LRFN5: variants seen among roughly 807,000 people sequenced by gnomAD.
LRFN5 encodes leucine rich repeat and fibronectin type III domain containing 5.
In LRFN5, 24 loss-of-function variants were observed where a neutral mutation model predicts 45.6. The observed-to-expected ratio is 0.53, with a 90% CI of 0.38 to 0.74. LRFN5 has a LOEUF of 0.74. Ranked by LOEUF, LRFN5 falls within the 30% of genes least tolerant of loss-of-function variation. LRFN5 has a pLI of 0.00. For missense variants in LRFN5, 776 were observed against 861.5 expected (o/e 0.90, Z 1.24); for synonymous variants, 340 against 313.8 (o/e 1.08, Z -0.88).
chr14:41,895,675 T>A (rs1890914462), intron 4 of LRFN5, among the ~76,000 whole-genome samples: 1 of 149,824 alleles, frequency 6.7e-6, no homozygotes, highest in Admixed American at 6.7e-5. Flanking sequence ...TTAGACACAG[T>A]AACACTCAAA....
intron 1 of LRFN5, among the ~76,000 whole-genome samples, chr14:41,634,782 G>A (rs2138585462): frequency 6.6e-6 from 1 of 152,002 alleles, no homozygotes; most frequent in East Asian, 1.9e-4. Flanking sequence ...ATTCCTTTTT[G>A]GCATATTGAA....
In LRFN5 at chr14:41,856,412, G is replaced by A. The variant is rs79674850; in HGVS notation, c.-20-30194G>A. Among the ~76,000 whole-genome samples the A allele has an allele frequency of 5.8e-3, 888 of 152,056 alleles. 6 individuals are homozygous for A. Among genetic ancestry groups the A allele is most frequent in the African/African-American group, 0.019 (805 of 41,482 alleles). ...CCTTTTCATTCAAGGAGCTTCAAGG[G>A]GCTTCTATCTCTAATAGAGAAAGAC... is the stretch of plus-strand genomic sequence containing the variant. On this transcript the variant is annotated intron_variant, in intron 2 of 5. Transcript: ENST00000298119.
chr14:41,707,522 TA>T (rs1883114922), intron 1 of LRFN5, among the ~76,000 whole-genome samples: 2 of 152,170 alleles, frequency 1.3e-5, no homozygotes, highest in Admixed American at 1.3e-4. Context: ...TTAGCATTAG[TA>T]AATGATGAAA....
intron 2 of LRFN5, among the ~76,000 whole-genome samples, chr14:41,806,979 C>T (rs1887547309): frequency 6.6e-6 from 1 of 152,120 alleles, no homozygotes; most frequent in East Asian, 1.9e-4. Context: ...CTATGTGCTA[C>T]TCTAGAGAAG....
intron 1 of LRFN5, among the ~76,000 whole-genome samples, chr14:41,755,998 A>G (rs1378938972): frequency 1.3e-5 from 2 of 152,122 alleles, no homozygotes; most frequent in African/African-American, 2.4e-5. Context: ...TTGTCTGTAA[A>G]GTATTTTATT....
intron 1 of LRFN5, among the ~76,000 whole-genome samples, chr14:41,715,866 C>A (rs1883472265): frequency 6.6e-6 from 1 of 152,186 alleles, no homozygotes. Flanking sequence ...CCCCACATTT[C>A]CCTTCCACAC....
At chr14:41,830,090 A>C (rs1294092354) in intron 2 of LRFN5, among the ~76,000 whole-genome samples, 4 of 151,456 alleles carry the variant, frequency 2.6e-5, no homozygotes, top group Non-Finnish European at 4.4e-5. Flanking sequence ...ATTTTATTTC[A>C]GATCATACAA....
chr14:41,727,806 A>G (rs576538478), intron 1 of LRFN5, among the ~76,000 whole-genome samples: 27 of 152,172 alleles, frequency 1.8e-4, no homozygotes, highest in Non-Finnish European at 3.8e-4. Context: ...TTGGCTGTAT[A>G]TGTGACTTTG....
intron 1 of LRFN5, among the ~76,000 whole-genome samples, chr14:41,755,953 C>T (rs1174700964): frequency 6.6e-6 from 1 of 152,158 alleles, no homozygotes; most frequent in Non-Finnish European, 1.5e-5. Context: ...CCTTTTAGGG[C>T]AGGCCTGGCG....
chr14:41,816,315 ATC>A (rs1887915879), intron 2 of LRFN5, among the ~76,000 whole-genome samples: 1 of 152,120 alleles, frequency 6.6e-6, no homozygotes, highest in African/African-American at 2.4e-5. Flanking sequence ...TTTAAAAGTT[ATC>A]TGTTAGATCA....
chr14:41,626,781 A>G (rs1387296484), intron 1 of LRFN5, among the ~76,000 whole-genome samples: 1 of 152,074 alleles, frequency 6.6e-6, no homozygotes, highest in Admixed American at 6.6e-5. Context: ...TGTGTATTCT[A>G]ATTTACTCTG....
chr14:41,894,951 A>G, intron 4 of LRFN5: 1 of 981,110 alleles, frequency 1.0e-6, no homozygotes, highest in South Asian at 4.7e-5. Flanking sequence ...GTTTCTGACT[A>G]TATGAAGATT....
intron 1 of LRFN5, among the ~76,000 whole-genome samples, chr14:41,736,110 G>A (rs1418484460): frequency 7.2e-5 from 11 of 152,088 alleles, no homozygotes; most frequent in Admixed American, 5.2e-4. Context: ...TAATCCTTTG[G>A]TTATATACCC....
chr14:41,647,441 G>A (rs1024453772), intron 1 of LRFN5, among the ~76,000 whole-genome samples: 1 of 152,146 alleles, frequency 6.6e-6, no homozygotes, highest in Non-Finnish European at 1.5e-5. Context: ...ATGGATAGCA[G>A]TACGTAGTAG....
At chr14:41,835,742 A>G (rs1888640348) in intron 2 of LRFN5, among the ~76,000 whole-genome samples, 2 of 152,112 alleles carry the variant, frequency 1.3e-5, no homozygotes, top group Admixed American at 1.3e-4. Context: ...AAACAAAACA[A>G]AACAAAACAA....
intron 1 of LRFN5, among the ~76,000 whole-genome samples, chr14:41,633,941 C>T (rs949638306): frequency 1.3e-5 from 2 of 151,988 alleles, no homozygotes; most frequent in Non-Finnish European, 2.9e-5. Context: ...TTGCATTTTT[C>T]CTAGAGATAT....
intron 1 of LRFN5, among the ~76,000 whole-genome samples, chr14:41,760,497 T>A (rs1885615132): frequency 6.6e-6 from 1 of 152,194 alleles, no homozygotes; most frequent in Non-Finnish European, 1.5e-5. Flanking sequence ...AAAAAATTGA[T>A]CTGGCTTCTA....
At chr14:41,687,851 G>A (rs1167374959) in intron 1 of LRFN5, among the ~76,000 whole-genome samples, 2 of 152,030 alleles carry the variant, frequency 1.3e-5, no homozygotes, top group Non-Finnish European at 2.9e-5. Context: ...CTTAGAGGAT[G>A]GTTAATAGAT....
chr14:41,735,772 C>G (rs777892556), intron 1 of LRFN5, among the ~76,000 whole-genome samples: 1 of 151,912 alleles, frequency 6.6e-6, no homozygotes, highest in African/African-American at 2.4e-5. Context: ...CACCCCCTGA[C>G]AGACCCCAGC....
Sources: allele counts gnomAD v4.1 joint callset (sites outside exome capture counted in the v4.1 genomes callset), GRCh38; gene constraint gnomAD v4.1.1; transcripts MANE v1.5; gene names NCBI Gene and HGNC (gene_info 2026-07-23, HGNC 2026-07-21).